The following ACTN4 variants were observed in gnomAD, a reference collection of about 807,000 sequenced individuals.
The protein encoded by ACTN4 is actinin alpha 4.
Under a neutral mutation model 114.2 loss-of-function variants are expected in ACTN4, and 18 were observed. The observed-to-expected ratio is 0.16, with a 90% CI of 0.11 to 0.23. The LOEUF (loss-of-function observed/expected upper bound fraction) is 0.23, where lower values mean the gene tolerates loss of function less well. Among genes scored for constraint, ACTN4 ranks in the 10% least tolerant of loss-of-function variants. The pLI is 1.00. For missense variants in ACTN4, 722 were observed against 1,262.9 expected (o/e 0.57, Z 6.49); for synonymous variants, 515 against 506.3 (o/e 1.02, Z -0.23).
chr19:38,717,236 A>G lies in ACTN4; in HGVS notation c.1063A>G (p.Ile355Val). ...PKVQEKCQLEINFNTLQTKLR... is the reference protein window; with the variant it reads ...PKVQEKCQLEVNFNTLQTKLR... ...GGTGCAGGAGAAGTGCCAGCTGGAG[A>G]TCAACTTCAACACGCTGCAGACCAA... The change falls in exon 10 of 21, where the codon ATC (isoleucine) becomes GTC (valine). Residue 355 changes from isoleucine to valine, a missense_variant. Transcript: ENST00000252699. This position sits in a 1 kb window ranked among gnomAD's most constrained non-coding sequence, Gnocchi z 4.0. 4 of 1,614,114 alleles carry G rather than the reference A, an allele frequency of 2.5e-6. No individual in the cohort carries two copies. Among genetic ancestry groups the G allele is most frequent in the Non-Finnish European group, 2.5e-6 (3 of 1,180,038 alleles).
At chr19:38,665,110 G>A (rs140443710) in intron 1 of ACTN4, among the ~76,000 whole-genome samples, 1 of 152,134 alleles carries the variant, frequency 6.6e-6, no homozygotes, top group African/African-American at 2.4e-5. Flanking sequence ...ACCCCGGGAG[G>A]GGGTGTTGAG....
chr19:38,717,587 T>A lies in ACTN4; in HGVS notation c.1143+271T>A, dbSNP rs1968885442. Among the ~76,000 whole-genome samples the A allele has an allele frequency of 1.3e-5, 2 of 152,298 alleles. No individual in the cohort carries two copies. Among genetic ancestry groups the A allele is most frequent in the Middle Eastern group, 3.4e-3 (1 of 294 alleles). On this transcript the variant is annotated intron_variant, in intron 10 of 20. Transcript: ENST00000252699. The surrounding 1 kb of genome is among the most constrained non-coding windows in gnomAD (Gnocchi z 4.0). ...GTGTGGGTGTGGAGTGGTGTGAATT[T>A]GGAGCCGTGGTCTGCCATGATGGCA...
chr19:38,672,836 G>A (rs1295100155), intron 1 of ACTN4, among the ~76,000 whole-genome samples: 1 of 152,124 alleles, frequency 6.6e-6, no homozygotes, highest in African/African-American at 2.4e-5. Flanking sequence ...GCCTCCCAAA[G>A]TGTTGGGATT....
At position 38,730,236 on chromosome 19, in the gene ACTN4, A is replaced by C. The variant is rs1969471413; in HGVS notation, c.*804A>C. 1 of 157,984 alleles carries C rather than the reference A, an allele frequency of 6.3e-6. No homozygotes were observed. The highest frequency in any genetic ancestry group is 6.1e-5 in the Admixed American group (1 of 16,452). The allele number at this position is 157,984 out of a possible 1,614,324, so 9.8% of individuals were successfully genotyped here. A position where few individuals can be genotyped will look rare whatever the true frequency, so the allele number is the denominator to read the frequency against. ...ATTAACTTACGGATTTATTATATAA[A>C]TATATATTCACCTAGCAACATATCT... On this transcript the variant is annotated 3_prime_UTR_variant, in exon 21 of 21. Transcript: ENST00000252699.
intron 1 of ACTN4, among the ~76,000 whole-genome samples, chr19:38,663,945 A>C (rs1007797307): frequency 6.6e-6 from 1 of 152,216 alleles, no homozygotes; most frequent in African/African-American, 2.4e-5. Context: ...CGACAAAAAG[A>C]ATGGAGAGAC....
chr19:38,722,459 C>T (rs1969078096), intron 12 of ACTN4, among the ~76,000 whole-genome samples: 1 of 141,390 alleles, frequency 7.1e-6, no homozygotes, highest in South Asian at 2.3e-4. Context: ...GTCCAAGGCC[C>T]GTTTATTCCT....
intron 6 of ACTN4, among the ~76,000 whole-genome samples, chr19:38,708,841 T>TG (rs1347464247): frequency 1.3e-5 from 2 of 152,152 alleles, no homozygotes; most frequent in Non-Finnish European, 2.9e-5. Flanking sequence ...GAGGGCTTCC[T>TG]GGGGGAGGCA....
intron 7 of ACTN4, 97 bp from the exon 8 acceptor site, chr19:38,710,160 C>G: frequency 7.6e-7 from 1 of 1,320,754 alleles, no homozygotes; most frequent in South Asian, 1.2e-5. Flanking sequence ...GTCCCTCTCC[C>G]CCAAGGCCGT....
chr19:38,725,787 C>G lies in ACTN4; in HGVS notation c.2074C>G (p.Gln692Glu). 6.2e-7 allele frequency: 1 copy of G among 1,614,160 alleles called. No individual in the cohort carries two copies. Among genetic ancestry groups the G allele is most frequent in the African/African-American group, 1.3e-5 (1 of 75,060 alleles). ...GGAGGACCAGCTGAGCCACCTGAAG[C>G]AGTATGAACGCAGCATCGTGGACTA... The part of the protein sequence containing the change: ...TLEDQLSHLK[Q>E]YERSIVDYKP... The change falls in exon 17 of 21, where the codon CAG becomes GAG. Residue 692 changes from glutamine to glutamate, a missense_variant. Coordinates refer to ENST00000252699, the MANE Select transcript of ACTN4 (RefSeq NM_004924.6).
rs1969567464 is a variant in ACTN4 at position 38,731,156 on chromosome 19, C to T, written c.*1724C>T. 2 of 1,613,120 alleles carry T rather than the reference C, an allele frequency of 1.2e-6. No homozygotes were observed. The highest frequency in any genetic ancestry group is 1.3e-5 in the African/African-American group (1 of 74,938). Reference sequence around the variant, plus strand: ...CACAGGACACGAACCGCTCGAAGTCCACACGCAGACGGCTATCCCGGTAGC... The same window carrying T: ...CACAGGACACGAACCGCTCGAAGTCTACACGCAGACGGCTATCCCGGTAGC... On this transcript the variant is annotated 3_prime_UTR_variant, in exon 21 of 21. Coordinates refer to ENST00000252699, the MANE Select transcript of ACTN4 (RefSeq NM_004924.6).
intron 1 of ACTN4, among the ~76,000 whole-genome samples, chr19:38,677,668 T>C (rs1599786610): frequency 1.3e-5 from 2 of 152,146 alleles, no homozygotes; most frequent in South Asian, 4.1e-4. Context: ...GGCCCAGTGT[T>C]CAGCCAGCTG....
At position 38,705,001 on chromosome 19, in the gene ACTN4, C is replaced by T. The variant is rs369244655; in HGVS notation, c.465C>T (p.Ile155=). Residue 155 remains isoleucine, a synonymous_variant, in exon 4 of 21, where the codon ATC becomes ATT. Transcript: ENST00000252699. ...GGACCATCATCCTTAGGTTCGCCAT[C>T]CAGGACATCTCCGTGGAAGGTGACA... ...MIWTIILRFA[I]QDISVEETSA... 2 of 1,614,102 alleles carry T rather than the reference C, an allele frequency of 1.2e-6. No homozygotes were observed. The highest frequency in any genetic ancestry group is 1.7e-6 in the Non-Finnish European group (2 of 1,180,032).
At chr19:38,684,401 G>A (rs1967674923) in intron 1 of ACTN4, among the ~76,000 whole-genome samples, 1 of 152,134 alleles carries the variant, frequency 6.6e-6, no homozygotes, top group Non-Finnish European at 1.5e-5. Context: ...CTAGAAAACT[G>A]AACCCACACC....
rs200919223 is a variant in ACTN4, at chr19:38,701,020, C to T, written c.296C>T (p.Pro99Leu). The T allele has an allele frequency of 3.7e-6, 6 of 1,614,008 alleles. No individual in the cohort carries two copies. Among genetic ancestry groups the T allele is most frequent in the South Asian group, 1.1e-5 (1 of 91,074 alleles). ...EVISGERLPK[P>L]ERGKMRVHKI... ...TTCTCAGGGGAGCGGTTACCTAAGCCGGAGCGGGGGAAGATGAGAGTGCAC... is the reference window on the plus strand; with the variant it reads ...TTCTCAGGGGAGCGGTTACCTAAGCTGGAGCGGGGGAAGATGAGAGTGCAC... The change falls in exon 3 of 21, where the codon CCG becomes CTG. Residue 99 changes from proline to leucine, a missense_variant. Pro to Leu is a moderately conservative substitution (Grantham distance 98). Transcript: ENST00000252699.
chr19:38,717,188 C>T lies in ACTN4; in HGVS notation c.1015C>T (p.Arg339Trp), dbSNP rs974806018. 1.9e-6 allele frequency: 3 copies of T among 1,614,254 alleles called. No individual in the cohort carries two copies. The highest frequency in any genetic ancestry group is 1.7e-5 in the Admixed American group (1 of 60,030). Residue 339 changes from arginine to tryptophan, a missense_variant, in exon 10 of 21, where the codon CGG becomes TGG. By Grantham distance (101) the Arg-to-Trp change is moderately radical. Coordinates refer to ENST00000252699, the MANE Select transcript of ACTN4 (RefSeq NM_004924.6). The surrounding 1 kb of genome is among the most constrained non-coding windows in gnomAD (Gnocchi z 4.0). ...QQKLEDFRDYRRVHKPPKVQE... is the reference protein window; with the variant it reads ...QQKLEDFRDYWRVHKPPKVQE... ...GAAGCTGGAGGACTTCCGCGACTAC[C>T]GGCGTGTGCACAAGCCGCCCAAGGT...
intron 1 of ACTN4, among the ~76,000 whole-genome samples, chr19:38,677,197 A>G (rs1967406482): frequency 6.9e-6 from 1 of 144,828 alleles, no homozygotes; most frequent in African/African-American, 2.9e-5. Flanking sequence ...GAGCATGTCC[A>G]TCACCTCTAC....
At chr19:38,652,752 G>A (rs775911853) in intron 1 of ACTN4, among the ~76,000 whole-genome samples, 4 of 152,186 alleles carry the variant, frequency 2.6e-5, no homozygotes, top group Non-Finnish European at 5.9e-5. Flanking sequence ...AGTAGTGCTG[G>A]TGCTATTAAG....
At chr19:38,685,534 G>C (rs2046020506) in intron 1 of ACTN4, among the ~76,000 whole-genome samples, 1 of 152,154 alleles carries the variant, frequency 6.6e-6, no homozygotes, top group African/African-American at 2.4e-5. Flanking sequence ...CCAACCTCTG[G>C]ATCGAGGGGA....
In ACTN4 at chr19:38,668,559, G is replaced by A. The variant is rs927936652; in HGVS notation, c.162+20652G>A. On this transcript the variant is annotated intron_variant, in intron 1 of 20. Transcript: ENST00000252699. ...ACATTAGCTGGGCATGGTGGTGCGC[G>A]CCTGTAGTCCCAGCTACTCAGGAGG... Among the ~76,000 whole-genome samples, 5 of 152,132 alleles carry A rather than the reference G, an allele frequency of 3.3e-5. 1 individual carries two copies. In the South Asian group the frequency reaches 6.2e-4, roughly 19 times the overall value.
Sources: allele counts gnomAD v4.1 joint callset (sites outside exome capture counted in the v4.1 genomes callset), GRCh38; gene constraint gnomAD v4.1.1; non-coding constraint Gnocchi (gnomAD v3.1); transcripts MANE v1.5; gene names NCBI Gene and HGNC (gene_info 2026-07-23, HGNC 2026-07-21).